Variants in THRB observed in about 807,000 individuals in gnomAD.
THRB encodes the protein nuclear receptor subfamily 1 group A member 2.
A neutral mutation model predicts 47.8 loss-of-function variants in THRB; 12 were observed. That is an observed-to-expected ratio of 0.25 (90% CI 0.16 to 0.41). The LOEUF (loss-of-function observed/expected upper bound fraction) is 0.41. Ranked by LOEUF, THRB falls within the 10% of genes least tolerant of loss-of-function variation. The probability of loss-of-function intolerance (pLI) is 1.00; values close to 1 mark genes in which losing one functional copy is unlikely to be tolerated. For missense variants in THRB, 348 were observed against 589.2 expected (o/e 0.59, Z 4.24); for synonymous variants, 218 against 212.2 (o/e 1.03, Z -0.24).
intron 5 of THRB, among the ~76,000 whole-genome samples, chr3:24,188,359 T>A (rs2042870021): frequency 6.6e-6 from 1 of 152,220 alleles, no homozygotes; most frequent in Admixed American, 6.5e-5. Flanking sequence ...ATAAGTTTGC[T>A]CAAGGACAGA....
intron 3 of THRB, among the ~76,000 whole-genome samples, chr3:24,262,922 A>G (rs1258991579): frequency 3.3e-5 from 5 of 152,184 alleles, no homozygotes; most frequent in Admixed American, 1.3e-4. Flanking sequence ...CAGATACTCA[A>G]TACATTTATG....
chr3:24,284,042 G>T (rs1165868658), intron 3 of THRB, among the ~76,000 whole-genome samples: 3 of 134,880 alleles, frequency 2.2e-5, no homozygotes, highest in Non-Finnish European at 3.3e-5. Flanking sequence ...TCCCCACCAA[G>T]CTACCAATGA....
intron 3 of THRB, among the ~76,000 whole-genome samples, chr3:24,278,038 T>C (rs540722915): frequency 2.0e-4 from 31 of 152,200 alleles, no homozygotes; most frequent in Non-Finnish European, 4.3e-4. Context: ...GTTCTTCTAA[T>C]CTGATGAAGG....
At chr3:24,454,497 G>A (rs562204555) in intron 1 of THRB, among the ~76,000 whole-genome samples, 104 of 152,254 alleles carry the variant, frequency 6.8e-4, no homozygotes, top group Middle Eastern at 3.4e-3. Flanking sequence ...CTTTAAGTGG[G>A]TAAATTGCAT....
intron 5 of THRB, among the ~76,000 whole-genome samples, chr3:24,159,300 T>C (rs2038388261): frequency 1.3e-5 from 2 of 152,210 alleles, no homozygotes; most frequent in Non-Finnish European, 2.9e-5. Flanking sequence ...CCTGCAGGTG[T>C]ATCCTGCAGT....
Position 24,153,311 on chromosome 3 carries a change from C to A in THRB, c.284-821G>T, listed in dbSNP as rs112747669. On this transcript the variant is annotated intron_variant, in intron 5 of 10. Coordinates refer to ENST00000646209, the MANE Select transcript of THRB (RefSeq NM_001354712.2). Reference sequence around the variant, plus strand: ...GTCTCACTGGAAATTACAGGCAGGACTAAAACCCCAGTCTCTTAATTTCTA... The same window carrying A: ...GTCTCACTGGAAATTACAGGCAGGAATAAAACCCCAGTCTCTTAATTTCTA... 5.7e-3 allele frequency among the ~76,000 whole-genome samples: 865 copies of A among 152,276 alleles called. 2 individuals are homozygous for A. The highest frequency in any genetic ancestry group is 0.019 in the African/African-American group (785 of 41,572).
At chr3:24,170,608 A>G (rs888512757) in intron 5 of THRB, among the ~76,000 whole-genome samples, 1 of 152,098 alleles carries the variant, frequency 6.6e-6, no homozygotes, top group Non-Finnish European at 1.5e-5. Flanking sequence ...GAGCACTCCA[A>G]GTTTTTGCCT....
chr3:24,294,322 G>T (rs1159315767), intron 3 of THRB, among the ~76,000 whole-genome samples: 5 of 152,156 alleles, frequency 3.3e-5, no homozygotes, highest in African/African-American at 4.8e-5. Flanking sequence ...ACATTGCTGA[G>T]CCCAGCCCAG....
At chr3:24,298,399 G>A (rs1412924245) in intron 2 of THRB, among the ~76,000 whole-genome samples, 3 of 152,070 alleles carry the variant, frequency 2.0e-5, no homozygotes, top group Non-Finnish European at 2.9e-5. Context: ...GTTCCAATTC[G>A]GTACAATTGC....
At chr3:24,481,863 C>T (rs1055041284) in intron 1 of THRB, among the ~76,000 whole-genome samples, 1 of 145,502 alleles carries the variant, frequency 6.9e-6, no homozygotes, top group African/African-American at 2.6e-5. Context: ...AAATCCAGAA[C>T]AAGGGAATCC....
intron 3 of THRB, among the ~76,000 whole-genome samples, chr3:24,247,617 A>G (rs2050233148): frequency 6.6e-6 from 1 of 152,140 alleles, no homozygotes; most frequent in African/African-American, 2.4e-5. Context: ...TTTACACTGT[A>G]TTTTTTCATT....
intron 1 of THRB, among the ~76,000 whole-genome samples, chr3:24,436,270 C>CT (rs1353635191): frequency 6.6e-6 from 1 of 151,858 alleles, no homozygotes; most frequent in Non-Finnish European, 1.5e-5. Flanking sequence ...TGGCAAGAGA[C>CT]TGAGTTACAG....
chr3:24,332,396 C>A (rs2061983046), intron 2 of THRB, among the ~76,000 whole-genome samples: 2 of 152,200 alleles, frequency 1.3e-5, no homozygotes, highest in South Asian at 4.1e-4. Flanking sequence ...CTGTTTAAGT[C>A]ACTGTTTTTA....
At chr3:24,284,664 A>T (rs1018931062) in intron 3 of THRB, among the ~76,000 whole-genome samples, 4 of 149,286 alleles carry the variant, frequency 2.7e-5, no homozygotes, top group African/African-American at 1.0e-4. Flanking sequence ...ATGGGAGAAA[A>T]TTTTTGCAAC....
chr3:24,418,737 G>T (rs1297675480), intron 1 of THRB, among the ~76,000 whole-genome samples: 1 of 151,902 alleles, frequency 6.6e-6, no homozygotes, highest in Admixed American at 6.6e-5. Context: ...CAAATATTCT[G>T]TGATCCACAT....
Position 24,261,520 on chromosome 3 carries a change from C to CAAAAAAA in THRB, c.-42-32526_-42-32520dup, listed in dbSNP as rs1207008580. 1.5e-3 allele frequency among the ~76,000 whole-genome samples: 179 copies of CAAAAAAA among 119,522 alleles called. 2 individuals carry two copies. The highest frequency in any genetic ancestry group is 6.8e-3 in the African/African-American group (169 of 24,800). 78.4% of individuals were successfully genotyped at this position (119,522 alleles called of 152,430 possible). On this transcript the variant is annotated intron_variant, in intron 3 of 10. Transcript: ENST00000646209. ...CTCAAAAAAAAAAAAAAAAAAAAACCAAAAAAAACTCTCTAGATCCCACTA... is the reference window on the plus strand; with the variant it reads ...CTCAAAAAAAAAAAAAAAAAAAAACCAAAAAAAAAAAAAAACTCTCTAGATCCCACTA...
intron 3 of THRB, among the ~76,000 whole-genome samples, chr3:24,263,843 G>T (rs1421201037): frequency 1.3e-5 from 2 of 152,164 alleles, no homozygotes; most frequent in African/African-American, 4.8e-5. Flanking sequence ...GGTTTTAAAA[G>T]TATTAATGGA....
chr3:24,164,704 T>C (rs1337711846), intron 5 of THRB, among the ~76,000 whole-genome samples: 1 of 152,092 alleles, frequency 6.6e-6, no homozygotes, highest in African/African-American at 2.4e-5. Flanking sequence ...CCACAACACC[T>C]ACCCGCCAGA....
intron 5 of THRB, among the ~76,000 whole-genome samples, chr3:24,177,079 C>T (rs2041256303): frequency 6.6e-6 from 1 of 152,090 alleles, no homozygotes; most frequent in African/African-American, 2.4e-5. Context: ...TCTCCCAGAT[C>T]TAATGGAGAT....
Sources: allele counts gnomAD v4.1 joint callset (sites outside exome capture counted in the v4.1 genomes callset), GRCh38; gene constraint gnomAD v4.1.1; transcripts MANE v1.5; gene names NCBI Gene and HGNC (gene_info 2026-07-23, HGNC 2026-07-21).